TMEM132B: variants seen among roughly 807,000 people sequenced by gnomAD.
TMEM132B encodes transmembrane protein 132B.
Under a neutral mutation model 90.8 loss-of-function variants are expected in TMEM132B, and 18 were observed. The observed-to-expected ratio is 0.20, with a 90% confidence interval of 0.14 to 0.29. The LOEUF (loss-of-function observed/expected upper bound fraction) is 0.29. Among genes scored for constraint, TMEM132B ranks in the 10% least tolerant of loss-of-function variants. The probability of loss-of-function intolerance (pLI) is 1.00; values close to 1 mark genes in which losing one functional copy is unlikely to be tolerated. For missense variants in TMEM132B, 1,096 were observed against 1,326.8 expected, an observed-to-expected ratio of 0.83 and a Z score of 2.70; for synonymous variants, 504 against 523.3, an observed-to-expected ratio of 0.96 and a Z score of 0.50.
At chr12:125,606,799 A>G (rs1885707412) in intron 5 of TMEM132B, among the ~76,000 whole-genome samples, 1 of 152,164 alleles carries the variant, frequency 6.6e-6, no homozygotes, top group Non-Finnish European at 1.5e-5. Flanking sequence ...CTGAACTTAG[A>G]GCGGCAGGTG....
intron 1 of TMEM132B, among the ~76,000 whole-genome samples, chr12:125,314,924 G>C (rs573309088): frequency 1.3e-5 from 2 of 152,362 alleles, no homozygotes; most frequent in Admixed American, 6.5e-5. Flanking sequence ...GAGCTGGAGA[G>C]GGGAGTCTGG....
chr12:125,603,390 C>G (rs1019656298), intron 5 of TMEM132B, among the ~76,000 whole-genome samples: 1 of 152,134 alleles, frequency 6.6e-6, no homozygotes, highest in Admixed American at 6.5e-5. Flanking sequence ...TGAAAACTGG[C>G]TAGCCATATG....
At chr12:125,292,935 A>G (rs1165677803) in intron 1 of TMEM132B, among the ~76,000 whole-genome samples, 3 of 152,220 alleles carry the variant, frequency 2.0e-5, no homozygotes, top group African/African-American at 7.2e-5. Context: ...TGGTTTCTCC[A>G]AGGAAAATTG....
intron 2 of TMEM132B, among the ~76,000 whole-genome samples, chr12:125,357,376 C>A (rs567226920): frequency 6.6e-6 from 1 of 152,246 alleles, no homozygotes; most frequent in African/African-American, 2.4e-5. Flanking sequence ...TATCAGATAC[C>A]ATCATGTGCC....
intron 3 of TMEM132B, among the ~76,000 whole-genome samples, chr12:125,513,679 T>A (rs906883107): frequency 6.6e-6 from 1 of 152,326 alleles, no homozygotes; most frequent in East Asian, 1.9e-4. Flanking sequence ...TCTGCTTGGT[T>A]TCTACTCGCC....
At chr12:125,345,966 G>A (rs1877348306) in intron 1 of TMEM132B, among the ~76,000 whole-genome samples, 1 of 152,186 alleles carries the variant, frequency 6.6e-6, no homozygotes, top group Admixed American at 6.5e-5. Context: ...TATTTCTCAG[G>A]ACACAGTCCC....
At chr12:125,461,406 C>A (rs969368423) in intron 3 of TMEM132B, among the ~76,000 whole-genome samples, 1 of 152,234 alleles carries the variant, frequency 6.6e-6, no homozygotes, top group African/African-American at 2.4e-5. Context: ...TGTCACCAGG[C>A]TGATCACAGG....
chr12:125,575,147 CTT>C (rs1884913277), intron 4 of TMEM132B, among the ~76,000 whole-genome samples: 1 of 142,106 alleles, frequency 7.0e-6, no homozygotes, highest in South Asian at 2.2e-4. Context: ...AAGCACCAAA[CTT>C]TTCCACAGCA....
intron 1 of TMEM132B, among the ~76,000 whole-genome samples, chr12:125,269,640 T>A (rs1874777610): frequency 6.6e-6 from 1 of 152,036 alleles, no homozygotes; most frequent in South Asian, 2.1e-4. Flanking sequence ...TCACCTTATA[T>A]CTCCCTAGTT....
rs1879529616 is a variant in TMEM132B, at chr12:125,407,414, G to A, written c.960-8117G>A. Among the ~76,000 whole-genome samples the A allele has an allele frequency of 6.6e-6, 1 of 152,206 alleles. No homozygotes were observed. The highest frequency in any genetic ancestry group is 1.5e-5 in the Non-Finnish European group (1 of 68,038). ...GTAGAAGACAGAAAGATGCAGGTGT[G>A]TACTCACAGAGCAGGTTTCCTTTTG... is the stretch of plus-strand genomic sequence containing the variant. On this transcript the variant is annotated intron_variant, in intron 2 of 8. Coordinates refer to ENST00000682704, the MANE Select transcript of TMEM132B (RefSeq NM_001366854.1). This position sits in a 1 kb window ranked among gnomAD's most constrained non-coding sequence, Gnocchi z 6.7.
At chr12:125,529,020 C>CCCTCCTTCTTCCTCCCT (rs1883573254) in intron 4 of TMEM132B, among the ~76,000 whole-genome samples, 1 of 143,662 alleles carries the variant, frequency 7.0e-6, no homozygotes, top group Non-Finnish European at 1.5e-5. Flanking sequence ...CCTTTCTTCC[C>CCCTCCTTCTTCCTCCCT]CCTCCTTCTT....
chr12:125,221,608 T>C (rs1319295844), intron 1 of TMEM132B, among the ~76,000 whole-genome samples: 1 of 152,222 alleles, frequency 6.6e-6, no homozygotes, highest in Non-Finnish European at 1.5e-5. Context: ...TTTCAATATG[T>C]TTAGTACAGT....
rs202118018 is a variant in TMEM132B, at chr12:125,583,944, G to A, written c.1387G>A (p.Asp463Asn). 14 of 1,614,026 alleles carry A rather than the reference G, an allele frequency of 8.7e-6. No individual in the cohort carries two copies. The highest frequency in any genetic ancestry group is 6.7e-5 in the African/African-American group (5 of 74,926). Residue 463 changes from aspartate (D) to asparagine (N), a missense_variant, in exon 5 of 9, where the codon GAT (aspartate) becomes AAT (asparagine). By Grantham distance (23) the Asp-to-Asn change is conservative. Coordinates refer to ENST00000682704, the MANE Select transcript of TMEM132B (RefSeq NM_001366854.1). Reference protein sequence around the residue: ...VGVQEDGSVVDVSESVECKSA... With the variant: ...VGVQEDGSVVNVSESVECKSA... The stretch of plus-strand genomic sequence containing the variant: ...GGTCCAGGAGGATGGTTCTGTGGTC[G>A]ATGTGTCTGAGTCTGTGGAATGCAA...
intron 4 of TMEM132B, among the ~76,000 whole-genome samples, chr12:125,565,942 C>G (rs76297735): frequency 0.022 from 3,324 of 152,284 alleles, 59 homozygotes; most frequent in Middle Eastern, 0.048. Context: ...CTCTTCTACC[C>G]AGTATTTCCC....
intron 2 of TMEM132B, among the ~76,000 whole-genome samples, chr12:125,370,556 C>T (rs915357454): frequency 6.6e-6 from 1 of 152,096 alleles, no homozygotes; most frequent in Non-Finnish European, 1.5e-5. Flanking sequence ...GTCCCTTCTC[C>T]CCCCATCAGG....
At chr12:125,313,543 C>A (rs1393792978) in intron 1 of TMEM132B, among the ~76,000 whole-genome samples, 1 of 97,802 alleles carries the variant, frequency 1.0e-5, no homozygotes, top group Non-Finnish European at 2.1e-5. Context: ...CCCATTTCCC[C>A]CTCCCCTCCC....
chr12:125,630,894 T>A lies in TMEM132B; in HGVS notation c.1438-13182T>A, dbSNP rs568900544. On this transcript the variant is annotated intron_variant, in intron 5 of 8. Coordinates refer to ENST00000682704, the MANE Select transcript of TMEM132B (RefSeq NM_001366854.1). ...GTAAGGATAATGGCCTGCAGATTCA[T>A]CCATGTTCACACAAAAGACACGATC... is the stretch of plus-strand genomic sequence containing the variant. Among the ~76,000 whole-genome samples the A allele has an allele frequency of 1.6e-3, 238 of 152,184 alleles. 3 individuals carry two copies. Among genetic ancestry groups the A allele is most frequent in the African/African-American group, 5.5e-3 (228 of 41,542 alleles).
chr12:125,529,507 G>A (rs1883587542), intron 4 of TMEM132B, among the ~76,000 whole-genome samples: 1 of 152,182 alleles, frequency 6.6e-6, no homozygotes, highest in East Asian at 1.9e-4. Context: ...TTCCTGTCAA[G>A]AGAGCCTTTC....
intron 1 of TMEM132B, among the ~76,000 whole-genome samples, chr12:125,265,413 G>T (rs1236977900): frequency 6.6e-6 from 1 of 152,076 alleles, no homozygotes; most frequent in Non-Finnish European, 1.5e-5. Context: ...ACAATATACT[G>T]TGATAAACAT....
Sources: gnomAD v4.1 joint callset for allele counts (sites outside exome capture counted in the v4.1 genomes callset) on GRCh38, gnomAD v4.1.1 for gene constraint, Gnocchi (gnomAD v3.1) non-coding constraint, MANE v1.5 for transcripts, NCBI Gene and HGNC (gene_info 2026-07-23, HGNC 2026-07-21) for gene names.